Variants in ZFHX3 observed in about 807,000 individuals in gnomAD.
The protein encoded by ZFHX3 is zinc finger homeobox protein 3.
A neutral mutation model predicts 279.1 loss-of-function variants in ZFHX3; 42 were observed. The ratio of observed to expected loss-of-function variants is 0.15; its 90% CI spans 0.12 to 0.19. ZFHX3 has a LOEUF of 0.19. Among genes scored for constraint, ZFHX3 ranks in the 10% least tolerant of loss-of-function variants. ZFHX3 has a pLI of 1.00. For synonymous variants in ZFHX3, 2,293 were observed against 1,957.8 expected (o/e 1.17, Z -4.52); for missense variants, 4,981 against 4,754.0 (o/e 1.05, Z -1.40).
At chr16:73,613,438 C>CTTTTTT (rs5817854) in intron 2 of ZFHX3, among the ~76,000 whole-genome samples, 1 of 149,124 alleles carries the variant, frequency 6.7e-6, no homozygotes, top group Non-Finnish European at 1.5e-5. Context: ...TTAGCTTTTG[C>CTTTTTT]TTTTTTTGTT....
intron 3 of ZFHX3, among the ~76,000 whole-genome samples, chr16:72,907,545 T>TGTGTGTGTGTGTGTGTGTGTGTG (rs2039208549): frequency 8.3e-5 from 10 of 120,480 alleles, no homozygotes; most frequent in Admixed American, 2.6e-4. Context: ...TTTCCTCTAT[T>TGTGTGTGTGTGTGTGTGTGTGTG]TGTGTGTGTG....
rs149571149 is a variant in ZFHX3, at chr16:73,304,428, T to C, written c.-1194+13812A>G. 5.3e-5 allele frequency among the ~76,000 whole-genome samples: 8 copies of C among 152,316 alleles called. No homozygotes were observed. The East Asian group carries it at 1.5e-3, about 29-fold the overall frequency. ...GTCCCCGCGTGCCTCTGTGTGTTTG[T>C]GTGCACGTGATCTTATGCGCAGAGA... On this transcript the variant is annotated intron_variant, in intron 4 of 17. Transcript: ENST00000641206.
chr16:73,422,450 C>G (rs776098133), intron 3 of ZFHX3, among the ~76,000 whole-genome samples: 1 of 152,078 alleles, frequency 6.6e-6, no homozygotes, highest in East Asian at 1.9e-4. Flanking sequence ...ATTTCACAGC[C>G]CAAGCACAGT....
chr16:73,131,108 GTAA>G (rs1425349775), intron 6 of ZFHX3: 1 of 608,804 alleles, frequency 1.6e-6, no homozygotes, highest in African/African-American at 1.9e-5. Context: ...TAAAGTGGGA[GTAA>G]TAATAGGACT....
chr16:73,344,911 G>T (rs955991442), intron 3 of ZFHX3, among the ~76,000 whole-genome samples: 1 of 152,180 alleles, frequency 6.6e-6, no homozygotes, highest in Admixed American at 6.5e-5. Context: ...TTGAGAGTGG[G>T]CAACTGCTAC....
At chr16:73,156,503 C>G (rs1967088935) in intron 5 of ZFHX3, among the ~76,000 whole-genome samples, 1 of 152,142 alleles carries the variant, frequency 6.6e-6, no homozygotes, top group African/African-American at 2.4e-5. Context: ...AGGTAGGGCT[C>G]TCTTAAACTA....
At chr16:72,802,197 A>G (rs2036123386) in intron 7 of ZFHX3, among the ~76,000 whole-genome samples, 1 of 152,076 alleles carries the variant, frequency 6.6e-6, no homozygotes, top group Non-Finnish European at 1.5e-5. Flanking sequence ...AAAAACTCAG[A>G]TGGCTATGAA....
At chr16:73,637,773 C>T (rs2052541159) in intron 2 of ZFHX3, among the ~76,000 whole-genome samples, 1 of 151,824 alleles carries the variant, frequency 6.6e-6, no homozygotes, top group Non-Finnish European at 1.5e-5. Context: ...AAAAAGTTTG[C>T]ATATTGCATA....
intron 1 of ZFHX3, among the ~76,000 whole-genome samples, chr16:73,779,323 C>T (rs1959371481): frequency 6.6e-6 from 1 of 151,772 alleles, no homozygotes; most frequent in Non-Finnish European, 1.5e-5. Context: ...TAGTAATTGC[C>T]CAGAAATTAA....
At chr16:73,476,482 A>G (rs751314114) in intron 2 of ZFHX3, among the ~76,000 whole-genome samples, 16 of 152,156 alleles carry the variant, frequency 1.1e-4, no homozygotes, top group African/African-American at 3.9e-4. Flanking sequence ...ACACTAAAGT[A>G]TTTTTTAATA....
intron 6 of ZFHX3, among the ~76,000 whole-genome samples, chr16:73,140,135 G>C (rs1235760586): frequency 6.6e-6 from 1 of 152,098 alleles, no homozygotes; most frequent in Non-Finnish European, 1.5e-5. Context: ...GGCATGGTGG[G>C]CACGTGCCTG....
At chr16:73,866,647 T>C (rs1962029610) in intron 1 of ZFHX3, among the ~76,000 whole-genome samples, 1 of 152,210 alleles carries the variant, frequency 6.6e-6, no homozygotes. Context: ...CTGTCCGGAA[T>C]AGATTTGATT....
chr16:73,781,832 C>T (rs1476731194), intron 1 of ZFHX3, among the ~76,000 whole-genome samples: 1 of 152,024 alleles, frequency 6.6e-6, no homozygotes, highest in East Asian at 1.9e-4. Flanking sequence ...ACTAAAAATA[C>T]AAAAATTAGC....
At chr16:73,603,635 T>G (rs112564672) in intron 2 of ZFHX3, among the ~76,000 whole-genome samples, 2,910 of 152,184 alleles carry the variant, frequency 0.019, 105 homozygotes, top group African/African-American at 0.067. Flanking sequence ...TAACATTATT[T>G]ATTATAACAA....
chr16:73,090,911 G>GAAAA (rs57632636), intron 8 of ZFHX3, among the ~76,000 whole-genome samples: 1 of 108,320 alleles, frequency 9.2e-6, no homozygotes, highest in Non-Finnish European at 1.7e-5. Context: ...ATCCCATATT[G>GAAAA]AAAAAAAAAA....
chr16:73,283,143 A>C (rs2014499731), intron 4 of ZFHX3, among the ~76,000 whole-genome samples: 1 of 152,248 alleles, frequency 6.6e-6, no homozygotes, highest in Non-Finnish European at 1.5e-5. Context: ...AAGCAGCCAC[A>C]GACAATAGGT....
intron 1 of ZFHX3, among the ~76,000 whole-genome samples, chr16:72,999,168 G>A (rs1963402292): frequency 6.6e-6 from 1 of 151,936 alleles, no homozygotes; most frequent in African/African-American, 2.4e-5. Flanking sequence ...TTTTTGTTTT[G>A]AGACAAAGTC....
intron 8 of ZFHX3, among the ~76,000 whole-genome samples, chr16:72,799,632 A>C (rs902402746): frequency 1.3e-5 from 2 of 152,214 alleles, no homozygotes; most frequent in African/African-American, 4.8e-5. Context: ...TCAGAACGAA[A>C]GACAACTAAT....
chr16:72,966,111 C>T (rs984407270), intron 1 of ZFHX3, among the ~76,000 whole-genome samples: 2 of 152,104 alleles, frequency 1.3e-5, no homozygotes, highest in South Asian at 2.1e-4. Flanking sequence ...CCGTGTGTCT[C>T]GGGACACGCC....
Sources: gnomAD v4.1 joint callset for allele counts (sites outside exome capture counted in the v4.1 genomes callset) on GRCh38, gnomAD v4.1.1 for gene constraint, MANE v1.5 for transcripts, NCBI Gene and HGNC (gene_info 2026-07-23, HGNC 2026-07-21) for gene names.